SRP19: variants seen among roughly 807,000 people sequenced by gnomAD.
SRP19 encodes the protein signal recognition particle 19 kDa protein.
Under a neutral mutation model 22.4 loss-of-function variants are expected in SRP19, and 11 were observed. The observed-to-expected ratio is 0.49, with a 90% CI of 0.31 to 0.81. The LOEUF is 0.81. SRP19 is among the 40% of genes least tolerant of loss of function. The pLI, the probability that SRP19 is intolerant of heterozygous loss-of-function variation, is 0.05. For synonymous variants in SRP19, 61 were observed against 57.6 expected (o/e 1.06, Z -0.27); for missense variants, 168 against 175.9 (o/e 0.96, Z 0.25).
Position 112,887,918 on chromosome 5 carries a change from A to G in SRP19, c.302-3685A>G, listed in dbSNP as rs576868368. 3.3e-5 allele frequency among the ~76,000 whole-genome samples: 5 copies of G among 152,322 alleles called. No homozygotes were observed. The East Asian group carries it at 7.7e-4, about 23-fold the overall frequency. Reference sequence around the variant, plus strand: ...CTCGTCACTTCAAGTCATCCATGCAATTTACTCCTTTTTAAGATAAAAAGA... The same window carrying G: ...CTCGTCACTTCAAGTCATCCATGCAGTTTACTCCTTTTTAAGATAAAAAGA... On this transcript the variant is annotated intron_variant, in intron 4 of 4. Coordinates refer to the SRP19 transcript ENST00000391338.
intron 4 of SRP19, chr5:112,878,834 C>T (rs553914342): frequency 1.8e-5 from 29 of 1,613,832 alleles, no homozygotes; most frequent in Middle Eastern, 1.6e-4. Context: ...TAGCTTTCTT[C>T]GCTGTTTGTT....
chr5:112,867,349 A>G (rs1192391342), intron 4 of SRP19, 55 bp from the exon 5 acceptor site: 3 of 1,558,190 alleles, frequency 1.9e-6, no homozygotes, highest in Non-Finnish European at 2.6e-6. Flanking sequence ...CAATTTGATG[A>G]CTTTTTATGT....
intron 2 of SRP19, among the ~76,000 whole-genome samples, chr5:112,863,399 A>G (rs1482615766): frequency 1.3e-5 from 2 of 152,126 alleles, no homozygotes; most frequent in Admixed American, 6.5e-5. Context: ...TTTGAGCTAG[A>G]TAATTGTTGT....
rs748175896 is a variant in SRP19 at position 112,891,698 on chromosome 5, G to A, written c.*91G>A. The stretch of plus-strand genomic sequence containing the variant: ...AAGATGACATTTCCAGAGAAACCAA[G>A]CCACAAAAAGTACAGGGCCGCCCTG... On this transcript the variant is annotated 3_prime_UTR_variant, in exon 5 of 5. Coordinates refer to the SRP19 transcript ENST00000391338. 18 of 1,613,936 alleles carry A rather than the reference G, an allele frequency of 1.1e-5. No homozygotes were observed. The South Asian group carries it at 1.8e-4, about 16-fold the overall frequency.
At position 112,890,015 on chromosome 5, in the gene SRP19, C is replaced by T. The variant is rs112819425; in HGVS notation, c.302-1588C>T. Among the ~76,000 whole-genome samples, 4 of 150,174 alleles carry T rather than the reference C, an allele frequency of 2.7e-5. 1 individual carries two copies. The highest frequency in any genetic ancestry group is 1.0e-4 in the African/African-American group (4 of 40,162). On this transcript the variant is annotated intron_variant, in intron 4 of 4. Transcript: ENST00000391338. The stretch of plus-strand genomic sequence containing the variant: ...CTAATTTTTGTATTTTTAGTAGAGA[C>T]GGGGTTTCACCATGTTGGCCAGGCT...
intron 4 of SRP19, among the ~76,000 whole-genome samples, chr5:112,890,371 T>G (rs1455708621): frequency 1.9e-5 from 1 of 52,608 alleles, no homozygotes; most frequent in Non-Finnish European, 3.4e-5. Flanking sequence ...ATTTAAGTCT[T>G]TTTTTTTTTT....
intron 2 of SRP19, among the ~76,000 whole-genome samples, chr5:112,863,838 A>AT (rs890101635): frequency 6.6e-6 from 1 of 151,828 alleles, no homozygotes; most frequent in African/African-American, 2.4e-5. Context: ...CTACTTTGGT[A>AT]TTTTTTTGTA....
intron 4 of SRP19, among the ~76,000 whole-genome samples, chr5:112,888,446 A>AGAGTC (rs1768328104): frequency 6.6e-6 from 1 of 152,210 alleles, no homozygotes; most frequent in African/African-American, 2.4e-5. Context: ...ATTCTTTCTG[A>AGAGTC]GAGTCTTGCT....
intron 4 of SRP19, chr5:112,864,944 T>C (rs570537359): frequency 5.2e-6 from 2 of 382,022 alleles, no homozygotes; most frequent in East Asian, 7.9e-5. Context: ...CTAAACATTT[T>C]TCAAAAAAAT....
chr5:112,873,271 CT>C (rs35379154), downstream of SRP19, among the ~76,000 whole-genome samples: 3,410 of 50,856 alleles, frequency 0.067, 61 homozygotes, highest in Middle Eastern at 0.15. Flanking sequence ...CTCAGGTTTT[CT>C]TTTTTTTTTT....
downstream of SRP19, chr5:112,894,050 A>C (rs1317040328): frequency 6.6e-6 from 1 of 151,618 alleles, no homozygotes; most frequent in Non-Finnish European, 1.5e-5. Context: ...ATTACAGCAG[A>C]CCCTGCAAGA....
In SRP19 at chr5:112,891,825, A is replaced by G. The variant is rs60088629; in HGVS notation, c.*218A>G. ...AGGACACTTTTATTGAAGAACAACAACTAGAAGAAGAGAAGCTATTGGAAA... is the reference window on the plus strand; with the variant it reads ...AGGACACTTTTATTGAAGAACAACAGCTAGAAGAAGAGAAGCTATTGGAAA... On this transcript the variant is annotated 3_prime_UTR_variant, in exon 5 of 5. Coordinates refer to the SRP19 transcript ENST00000391338. 9,696 of 1,579,328 alleles carry G rather than the reference A, an allele frequency of 6.1e-3. 249 individuals are homozygous for G. The East Asian group carries it at 0.079, about 13-fold the overall frequency.
At chr5:112,893,346 G>T (rs1438176300), downstream of SRP19, 1 of 227,228 alleles carries the variant, frequency 4.4e-6, no homozygotes, top group Non-Finnish European at 8.8e-6. Context: ...GAAGGCGGAG[G>T]TTGCAGTGAG....
At chr5:112,893,742 C>G (rs964293717), downstream of SRP19, 2 of 152,286 alleles carry the variant, frequency 1.3e-5, no homozygotes, top group African/African-American at 4.8e-5. Flanking sequence ...CTTCTGCACA[C>G]ACACAATGGT....
At chr5:112,882,448 A>G (rs1561646265) in intron 4 of SRP19, among the ~76,000 whole-genome samples, 1 of 152,164 alleles carries the variant, frequency 6.6e-6, no homozygotes. Flanking sequence ...CCCTCACTTC[A>G]TAGTTCTTGC....
At chr5:112,864,420 G>C (rs755667992) in intron 2 of SRP19, 37 bp from the exon 3 acceptor site, 3 of 1,561,008 alleles carry the variant, frequency 1.9e-6, no homozygotes, top group Non-Finnish European at 2.6e-6. Context: ...TCCACTTAAA[G>C]CACATATATT....
intron 4 of SRP19, among the ~76,000 whole-genome samples, chr5:112,887,435 A>G (rs181333233): frequency 6.6e-6 from 1 of 152,346 alleles, no homozygotes; most frequent in African/African-American, 2.4e-5. Context: ...GAGCTTAACT[A>G]TCTTCCTAAC....
chr5:112,892,550 G>C, exon 5 of SRP19: 1 of 1,614,212 alleles, frequency 6.2e-7, no homozygotes, highest in Non-Finnish European at 8.5e-7. Context: ...CAGCTGCAAT[G>C]TGAATTCTGC....
At chr5:112,866,023 G>A (rs1415722234) in intron 4 of SRP19, among the ~76,000 whole-genome samples, 3 of 152,094 alleles carry the variant, frequency 2.0e-5, no homozygotes, top group African/African-American at 4.8e-5. Flanking sequence ...TGCCCAGCCT[G>A]CATGTTTGAA....
Sources: gnomAD v4.1 joint callset for allele counts (sites outside exome capture counted in the v4.1 genomes callset) on GRCh38, gnomAD v4.1.1 for gene constraint, MANE v1.5 for transcripts, NCBI Gene and HGNC (gene_info 2026-07-23, HGNC 2026-07-21) for gene names.